The following ATRX variants were observed in gnomAD, a reference collection of about 807,000 sequenced individuals.
The protein encoded by ATRX is chromatin remodeler ATRX.
A neutral mutation model predicts 172.6 loss-of-function variants in ATRX; 12 were observed. The ratio of observed to expected loss-of-function variants is 0.07; its 90% confidence interval spans 0.04 to 0.11. The LOEUF (loss-of-function observed/expected upper bound fraction) is 0.11, where lower values mean the gene tolerates loss of function less well. Among genes scored for constraint, ATRX ranks in the 10% least tolerant of loss-of-function variants. ATRX has a pLI of 1.00. For synonymous variants in ATRX, 674 were observed against 594.7 expected, an observed-to-expected ratio of 1.13 and a Z score of -1.94; for missense variants, 1,368 against 1,767.4, an observed-to-expected ratio of 0.77 and a Z score of 4.05.
At chrX:77,574,861 C>T (rs1325169847) in intron 27 of ATRX, among the ~76,000 whole-genome samples, 1 of 109,877 alleles carries the variant, frequency 9.1e-6, no homozygotes, top group East Asian at 2.8e-4. Flanking sequence ...TTTCAGTGTA[C>T]GTTTCCATTT....
chrX:77,758,224 A>G (rs374965956), intron 1 of ATRX, among the ~76,000 whole-genome samples: 1 of 104,479 alleles, frequency 9.6e-6, no homozygotes, highest in East Asian at 3.1e-4. Context: ...CTCTGTCTCT[A>G]CTAAAAATAC....
At chrX:77,718,113 A>T (rs1334356656) in intron 1 of ATRX, among the ~76,000 whole-genome samples, 1 of 110,671 alleles carries the variant, frequency 9.0e-6, no homozygotes, top group African/African-American at 3.3e-5. Context: ...ACTAGCCAAC[A>T]CCCAGAAAAA....
chrX:77,718,560 G>A (rs1232598305), intron 1 of ATRX, among the ~76,000 whole-genome samples: 1 of 108,806 alleles, frequency 9.2e-6, no homozygotes, highest in Admixed American at 1.0e-4. Context: ...ATTTTTAGCA[G>A]AGACGAGGTT....
In ATRX at chrX:77,688,851, A is replaced by G. The variant is rs1259166194; in HGVS notation, c.561T>C (p.Tyr187=). The change falls in exon 7 of 35, where the codon TAT becomes TAC. Residue 187 remains tyrosine (Y), a synonymous_variant. Transcript: ENST00000373344. ...QVNHFQKDSI[Y]RHPSLQVLIC... ...TAAGAACTTGCAATGAAGGGTGTCT[A>G]TAAATGGAATCTTTTTGAAAATGAT... 1 of 1,208,731 alleles carries G rather than the reference A, an allele frequency of 8.3e-7. No individual in the cohort carries two copies. Among genetic ancestry groups the G allele is most frequent in the Admixed American group, 2.2e-5 (1 of 45,752 alleles).
Position 77,696,653 on chromosome X carries a change from C to A in ATRX, c.294G>T (p.Leu98Phe), listed in dbSNP as rs782388395. The change falls in exon 5 of 35, where the codon TTG becomes TTT. Residue 98 changes from leucine to phenylalanine, a missense_variant. Physicochemically the swap from Leu to Phe is conservative, Grantham distance 22. Around this residue, in one of 17 missense-constraint regions of ATRX, gnomAD observed 84 missense variants for 82.8 expected, o/e 1.01. Coordinates refer to ENST00000373344, the MANE Select transcript of ATRX (RefSeq NM_000489.6). ...KYVESDDEKP[L>F]DDETVNEDAS... ...CATCTTCATTTACAGTTTCATCATC[C>A]AAAGGTTTTTCATCATCTGATTCTA... The A allele has an allele frequency of 8.3e-7, 1 of 1,198,348 alleles. No homozygotes were observed. The highest frequency in any genetic ancestry group is 1.8e-5 in the South Asian group (1 of 56,309).
At position 77,780,387 on chromosome X, in the gene ATRX, C is replaced by T. The variant is rs113409150; in HGVS notation, c.20+5595G>A. Among the ~76,000 whole-genome samples, 925 of 110,702 alleles carry T rather than the reference C, an allele frequency of 8.4e-3. 13 individuals carry two copies. The highest frequency in any genetic ancestry group is 0.029 in the African/African-American group (884 of 30,463). On this transcript the variant is annotated intron_variant, in intron 1 of 34. Transcript: ENST00000373344. Reference sequence around the variant, plus strand: ...CACCCTGTCGCCCAGGCTGCAGTGGCGCAATCTCAGCTCACTGCAACCTCC... The same window carrying T: ...CACCCTGTCGCCCAGGCTGCAGTGGTGCAATCTCAGCTCACTGCAACCTCC...
At chrX:77,589,780 G>C (rs2148087294) in intron 27 of ATRX, 54 bp downstream of exon 27, 2 of 1,017,136 alleles carry the variant, frequency 2.0e-6, no homozygotes, top group South Asian at 4.0e-5. Context: ...TGTTTGTATG[G>C]TATGTTTAAA....
intron 22 of ATRX, among the ~76,000 whole-genome samples, chrX:77,614,259 G>C (rs1557095536): frequency 8.9e-6 from 1 of 111,979 alleles, no homozygotes; most frequent in East Asian, 2.8e-4. Context: ...ATACTGTGAA[G>C]ATTTGTACTG....
intron 6 of ATRX, among the ~76,000 whole-genome samples, chrX:77,692,850 T>TGA (rs1374771345): frequency 3.0e-5 from 2 of 66,946 alleles, no homozygotes; most frequent in Non-Finnish European, 6.8e-5. Flanking sequence ...TATTAGAGTG[T>TGA]GTGTGTGTGT....
chrX:77,785,834 AC>A, intron 1 of ATRX, 147 bp downstream of exon 1: 1 of 727,979 alleles, frequency 1.4e-6, no homozygotes, highest in Non-Finnish European at 1.6e-6. Context: ...ATACCCCGAA[AC>A]CCTTCTCACC....
chrX:77,699,959 A>G (rs1557152529), intron 2 of ATRX, among the ~76,000 whole-genome samples: 1 of 112,229 alleles, frequency 8.9e-6, no homozygotes, highest in Non-Finnish European at 1.9e-5. Flanking sequence ...TATAAAAAAT[A>G]TATCACAAAT....
At chrX:77,624,940 G>GA (rs1557102041) in intron 19 of ATRX, among the ~76,000 whole-genome samples, 1 of 111,430 alleles carries the variant, frequency 9.0e-6, no homozygotes, top group Non-Finnish European at 1.9e-5. Context: ...GCCAAAGCAA[G>GA]ACTAAGCAAA....
chrX:77,704,559 T>C (rs2072711264), intron 2 of ATRX, among the ~76,000 whole-genome samples: 1 of 111,885 alleles, frequency 8.9e-6, no homozygotes, highest in Non-Finnish European at 1.9e-5. Flanking sequence ...CCTGCTGCCA[T>C]TCATGGTGCC....
intron 1 of ATRX, among the ~76,000 whole-genome samples, chrX:77,739,397 A>T (rs2074754511): frequency 9.2e-6 from 1 of 108,403 alleles, no homozygotes; most frequent in Admixed American, 1.0e-4. Context: ...ATATATATAT[A>T]TAATCAGATA....
chrX:77,762,725 T>TA (rs1183668863), intron 1 of ATRX, among the ~76,000 whole-genome samples: 32 of 104,290 alleles, frequency 3.1e-4, no homozygotes, highest in Middle Eastern at 9.8e-3. Flanking sequence ...ACAAGAAGAG[T>TA]AAAAAAAAAA....
intron 21 of ATRX, among the ~76,000 whole-genome samples, chrX:77,617,848 CAG>C (rs1273711587): frequency 9.1e-6 from 1 of 110,386 alleles, no homozygotes; most frequent in Non-Finnish European, 1.9e-5. Flanking sequence ...TCCCAAGTGA[CAG>C]AGACTATAGG....
intron 9 of ATRX, among the ~76,000 whole-genome samples, chrX:77,677,112 C>CAA (rs781922329): frequency 5.9e-5 from 5 of 84,622 alleles, no homozygotes; most frequent in African/African-American, 1.7e-4. Context: ...ACAACTCTCT[C>CAA]AAAAAAAAAA....
intron 12 of ATRX, among the ~76,000 whole-genome samples, chrX:77,663,122 C>T (rs1277829268): frequency 2.7e-5 from 3 of 111,867 alleles, no homozygotes; most frequent in African/African-American, 9.8e-5. Flanking sequence ...TCGCTGCTCA[C>T]TACAGCCTTG....
chrX:77,660,494 G>A (rs998463340), intron 12 of ATRX, among the ~76,000 whole-genome samples: 1 of 109,840 alleles, frequency 9.1e-6, no homozygotes, highest in Non-Finnish European at 1.9e-5. Flanking sequence ...GAACCCGGGA[G>A]GCAGAGCTTG....
Sources: gnomAD v4.1 joint callset for allele counts (sites outside exome capture counted in the v4.1 genomes callset) on GRCh38, gnomAD v4.1.1 for gene constraint, gnomAD v4.1.1 regional missense constraint, MANE v1.5 for transcripts, NCBI Gene and HGNC (gene_info 2026-07-23, HGNC 2026-07-21) for gene names.